Variants in SLC25A23 observed in about 807,000 individuals in gnomAD.
SLC25A23 encodes the protein mitochondrial adenyl nucleotide antiporter SLC25A23.
SLC25A23 carries 32 observed loss-of-function variants against 53.9 expected under a neutral mutation model. That is an observed-to-expected ratio of 0.59 (90% CI 0.45 to 0.80). The LOEUF (loss-of-function observed/expected upper bound fraction) is 0.80, where lower values mean the gene tolerates loss of function less well. Among genes scored for constraint, SLC25A23 ranks in the 30% least tolerant of loss-of-function variants. The pLI, the probability that SLC25A23 is intolerant of heterozygous loss-of-function variation, is 0.00. For synonymous variants in SLC25A23, 275 were observed against 264.5 expected, an observed-to-expected ratio of 1.04 and a Z score of -0.38; for missense variants, 575 against 651.4, an observed-to-expected ratio of 0.88 and a Z score of 1.28.
rs925148391 is a variant in SLC25A23, at chr19:6,458,098, C to T, written c.283+100G>A. 16 of 1,447,374 alleles carry T rather than the reference C, an allele frequency of 1.1e-5. No individual in the cohort carries two copies. In the African/African-American group the frequency reaches 1.1e-4, roughly 10 times the overall value. The allele number at this position is 1,447,374 out of a possible 1,614,324, so 89.7% of individuals were successfully genotyped here. ...GAGTCATCGGGGAGAAGCGGCCCTC[C>T]CCCTCTCCTCCTAGCGCTGCCAGTT... On this transcript the variant is annotated intron_variant, in intron 2 of 9. Transcript: ENST00000301454.
chr19:6,451,080 GA>G (rs768302760), intron 8 of SLC25A23, among the ~76,000 whole-genome samples: 300 of 111,834 alleles, frequency 2.7e-3, no homozygotes, highest in Middle Eastern at 0.015. Context: ...TCTGTCTCGG[GA>G]AAAAAAAAAA....
intron 9 of SLC25A23, among the ~76,000 whole-genome samples, chr19:6,443,083 C>T (rs530215239): frequency 3.3e-5 from 5 of 151,926 alleles, no homozygotes; most frequent in East Asian, 1.9e-4. Flanking sequence ...AGATTACAGG[C>T]GCCTGCTATC....
chr19:6,446,756 T>C (rs1015288759), intron 8 of SLC25A23, among the ~76,000 whole-genome samples: 1 of 152,150 alleles, frequency 6.6e-6, no homozygotes, highest in Non-Finnish European at 1.5e-5. Flanking sequence ...ATGTCCCTCC[T>C]TTGGGGGGGA....
chr19:6,459,499 C>G lies in SLC25A23; in HGVS notation c.130G>C (p.Gly44Arg). The change falls in exon 1 of 10, where the codon GGC becomes CGC. Residue 44 changes from glycine (G) to arginine (R), a missense_variant. Transcript: ENST00000301454. This position sits in a 1 kb window ranked among gnomAD's most constrained non-coding sequence, Gnocchi z 4.6. The part of the protein sequence containing the change: ...LRQGLARLGG[G>R]NPDPGAQQGI... ...TGTTGGGCGCCGGGGTCTGGGTTGC[C>G]CCCGCCCAGCCTGGCCAGCCCCTGG... 6.3e-7 allele frequency: 1 copy of G among 1,594,064 alleles called. No homozygotes were observed.
At position 6,454,364 on chromosome 19, in the gene SLC25A23, TC is replaced by T; in HGVS notation, c.753del (p.Ile252LeufsTer52). On this transcript the variant is annotated frameshift_variant, in exon 6 of 10. Coordinates refer to ENST00000301454, the MANE Select transcript of SLC25A23 (RefSeq NM_024103.3). LOFTEE classifies it high-confidence loss of function. The surrounding 1 kb of genome is among the most constrained non-coding windows in gnomAD (Gnocchi z 4.3). The stretch of plus-strand genomic sequence containing the variant: ...AACTTGATAGCTGACTCGGGGGCAA[TC>T]TTGAGTACATTAATACCATTGCCGC... Reference protein sequence around the residue: ...LWRGNGINVLKIAPESAIKFM... With the variant: ...LWRGNGINVLXIAPESAIKFM... 6.2e-7 allele frequency: 1 copy of T among 1,614,120 alleles called. No homozygotes were observed. Among genetic ancestry groups the T allele is most frequent in the Non-Finnish European group, 8.5e-7 (1 of 1,180,008 alleles).
In SLC25A23 at chr19:6,457,564, G is replaced by T; in HGVS notation, c.310C>A (p.Gln104Lys). 6.2e-7 allele frequency: 1 copy of T among 1,614,048 alleles called. No homozygotes were observed. The highest frequency in any genetic ancestry group is 2.2e-5 in the East Asian group (1 of 44,886). Reference sequence around the variant, plus strand: ...GAAATGCCCAGAGCTCGGAAACTCTGTTGGATCTCAGAGACATCAATGTGA... The same window carrying T: ...GAAATGCCCAGAGCTCGGAAACTCTTTTGGATCTCAGAGACATCAATGTGA... ...DGHIDVSEIQ[Q>K]SFRALGISIS... is the part of the protein sequence containing the mutation. Residue 104 changes from glutamine (Q) to lysine (K), a missense_variant, in exon 3 of 10, where the codon CAG (glutamine) becomes AAG (lysine). Gln to Lys is a moderately conservative substitution (Grantham distance 53). Transcript: ENST00000301454.
At chr19:6,450,229 C>G (rs77262233) in intron 8 of SLC25A23, among the ~76,000 whole-genome samples, 12,851 of 151,982 alleles carry the variant, frequency 0.085, 1,283 homozygotes, top group African/African-American at 0.24. Flanking sequence ...CAGTCCCCCC[C>G]AGACACCTAA....
At chr19:6,442,946 T>C (rs575648632) in intron 9 of SLC25A23, among the ~76,000 whole-genome samples, 6 of 149,972 alleles carry the variant, frequency 4.0e-5, no homozygotes, top group African/African-American at 1.5e-4. Flanking sequence ...TTTTTTTTTT[T>C]TTTTTTTTGA....
Position 6,442,110 on chromosome 19 carries a change from G to A in SLC25A23, c.1272C>T (p.His424=). The A allele has an allele frequency of 4.4e-6, 7 of 1,607,614 alleles. No individual in the cohort carries two copies. Among genetic ancestry groups the A allele is most frequent in the Non-Finnish European group, 5.9e-6 (7 of 1,177,376 alleles). ...CCCGCATGCCCTCCTGGGACAGGAT[G>A]TGACGTAGCAGACCCAGCATGGACA... The part of the protein sequence containing the change: ...PQLSMLGLLR[H]ILSQEGMRGL... Residue 424 remains histidine (H), a synonymous_variant, in exon 10 of 10, where the codon CAC becomes CAT. Coordinates refer to ENST00000301454, the MANE Select transcript of SLC25A23 (RefSeq NM_024103.3).
downstream of SLC25A23, among the ~76,000 whole-genome samples, chr19:6,437,832 G>C (rs1036513562): frequency 2.7e-5 from 4 of 148,194 alleles, no homozygotes; most frequent in Admixed American, 6.8e-5. Context: ...GGCCGGGCGC[G>C]GTGGCTCATG....
Position 6,442,122 on chromosome 19 carries a change from AC to A in SLC25A23, c.1259del (p.Gly420ValfsTer24). 6.9e-7 allele frequency: 1 copy of A among 1,456,436 alleles called. No individual in the cohort carries two copies. Among genetic ancestry groups the A allele is most frequent in the Non-Finnish European group, 9.2e-7 (1 of 1,086,376 alleles). The allele number at this position is 1,456,436 out of a possible 1,614,324, so 90.2% of individuals were successfully genotyped here. A position where few individuals can be genotyped will look rare whatever the true frequency, so the allele number is the denominator to read the frequency against. ...CCTGGGACAGGATGTGACGTAGCAG[AC>A]CCAGCATGGACAGCTGGGGGCCACC... ...IEGGPQLSML[G>X]LLRHILSQEG... On this transcript the variant is annotated frameshift_variant, in exon 10 of 10. Coordinates refer to ENST00000301454, the MANE Select transcript of SLC25A23 (RefSeq NM_024103.3). LOFTEE classifies it high-confidence loss of function.
Position 6,459,051 on chromosome 19 carries a change from A to G in SLC25A23, c.156+422T>C, listed in dbSNP as rs1003410485. Among the ~76,000 whole-genome samples the G allele has an allele frequency of 6.6e-6, 1 of 152,240 alleles. No homozygotes were observed. Among genetic ancestry groups the G allele is most frequent in the Non-Finnish European group, 1.5e-5 (1 of 68,036 alleles). ...TGAACGGCCCATGAAAGGGCAGGCC[A>G]GGGAATGTAAACACAGGGATCGGGG... On this transcript the variant is annotated intron_variant, in intron 1 of 9. Transcript: ENST00000301454. The surrounding 1 kb of genome is among the most constrained non-coding windows in gnomAD (Gnocchi z 4.6).
intron 3 of SLC25A23, among the ~76,000 whole-genome samples, chr19:6,456,935 T>G (rs1338756600): frequency 1.3e-5 from 2 of 151,560 alleles, no homozygotes; most frequent in Admixed American, 6.6e-5. Context: ...GCCTCGGCCT[T>G]CCAAAGTGGC....
At chr19:6,458,836 G>T (rs1388880297) in intron 1 of SLC25A23, among the ~76,000 whole-genome samples, 1 of 152,176 alleles carries the variant, frequency 6.6e-6, no homozygotes. Flanking sequence ...GAAGTGGGAG[G>T]TTGGACTGCT....
chr19:6,459,700 C>A lies in SLC25A23; in HGVS notation c.-72G>T, dbSNP rs567205149. On this transcript the variant is annotated 5_prime_UTR_variant, in exon 1 of 10. Transcript: ENST00000301454. This position sits in a 1 kb window ranked among gnomAD's most constrained non-coding sequence, Gnocchi z 4.6. ...TGGGGGCTTCGCGGCTCCCCCTCCC[C>A]CCCCGGGACCCCGCAGGGTCAGCTC... The A allele has an allele frequency of 1.3e-4, 153 of 1,195,406 alleles. No individual in the cohort carries two copies. Among genetic ancestry groups the A allele is most frequent in the East Asian group, 2.4e-4 (7 of 29,016 alleles). 74.0% of individuals were successfully genotyped at this position (1,195,406 alleles called of 1,614,324 possible).
Position 6,441,790 on chromosome 19 carries a change from GTCTA to G in SLC25A23, c.*181_*184del. The G allele has an allele frequency of 1.8e-6, 1 of 564,944 alleles. No homozygotes were observed. The highest frequency in any genetic ancestry group is 3.1e-6 in the Non-Finnish European group (1 of 327,510). The allele number at this position is 564,944 out of a possible 1,614,324, so 35.0% of individuals were successfully genotyped here. A position where few individuals can be genotyped will look rare whatever the true frequency, so the allele number is the denominator to read the frequency against. ...ATGACCCAGTGGTTGGGGCATAGGA[GTCTA>G]GGATCCAGGATCTGGATGCTGGGAT... is the stretch of plus-strand genomic sequence containing the variant. On this transcript the variant is annotated 3_prime_UTR_variant, in exon 10 of 10. Transcript: ENST00000301454.
At chr19:6,447,709 C>T (rs898995059) in intron 8 of SLC25A23, among the ~76,000 whole-genome samples, 3 of 151,966 alleles carry the variant, frequency 2.0e-5, no homozygotes, top group Admixed American at 6.6e-5. Context: ...CTCGTTCTGT[C>T]GCCCAGGCTG....
At chr19:6,438,389 CAGT>C (rs1196110325), downstream of SLC25A23, 3 of 152,306 alleles carry the variant, frequency 2.0e-5, no homozygotes, top group African/African-American at 7.2e-5. Context: ...GATAGGCAGG[CAGT>C]GGAGTGATGA....
chr19:6,453,488 C>A (rs1303883808), intron 7 of SLC25A23, among the ~76,000 whole-genome samples: 1 of 152,130 alleles, frequency 6.6e-6, no homozygotes, highest in East Asian at 1.9e-4. Context: ...GATCCACCTG[C>A]CTCGGCCTCC....
Sources: allele counts gnomAD v4.1 joint callset (sites outside exome capture counted in the v4.1 genomes callset), GRCh38; gene constraint gnomAD v4.1.1; non-coding constraint Gnocchi (gnomAD v3.1); transcripts MANE v1.5; gene names NCBI Gene and HGNC (gene_info 2026-07-23, HGNC 2026-07-21).